GABRB1: variants seen among roughly 807,000 people sequenced by gnomAD.
GABRB1 encodes the protein gamma-aminobutyric acid receptor subunit beta-1.
GABRB1 carries 17 observed loss-of-function variants against 51.6 expected under a neutral mutation model. The ratio of observed to expected loss-of-function variants is 0.33; its 90% CI spans 0.23 to 0.49. GABRB1 has a LOEUF of 0.49. Ranked by LOEUF, GABRB1 falls within the 20% of genes least tolerant of loss-of-function variation. The pLI, the probability that GABRB1 is intolerant of heterozygous loss-of-function variation, is 0.99. For synonymous variants in GABRB1, 247 were observed against 218.9 expected, an observed-to-expected ratio of 1.13 and a Z score of -1.14; for missense variants, 410 against 600.6, an observed-to-expected ratio of 0.68 and a Z score of 3.32.
intron 3 of GABRB1, among the ~76,000 whole-genome samples, chr4:47,145,083 C>T (rs982259602): frequency 1.3e-5 from 2 of 151,824 alleles, no homozygotes; most frequent in African/African-American, 4.8e-5. Flanking sequence ...AAAATACAAC[C>T]TAAAAGATAT....
intron 4 of GABRB1, among the ~76,000 whole-genome samples, chr4:47,163,552 G>T (rs1307308731): frequency 1.3e-5 from 2 of 151,942 alleles, no homozygotes; most frequent in Admixed American, 6.6e-5. Flanking sequence ...GGGAGAAGGG[G>T]AGTGTGGCAA....
At chr4:47,264,278 C>G (rs1009624872) in intron 4 of GABRB1, among the ~76,000 whole-genome samples, 1 of 152,196 alleles carries the variant, frequency 6.6e-6, no homozygotes, top group Admixed American at 6.5e-5. Flanking sequence ...CAGCAACTAT[C>G]CTTCCCCCAC....
At chr4:47,360,150 T>C (rs1262042070) in intron 5 of GABRB1, among the ~76,000 whole-genome samples, 1 of 151,746 alleles carries the variant, frequency 6.6e-6, no homozygotes, top group Non-Finnish European at 1.5e-5. Context: ...AGACCCAGCA[T>C]AATCTCGAGA....
At chr4:47,100,512 T>G (rs1198991310) in intron 3 of GABRB1, among the ~76,000 whole-genome samples, 1 of 151,996 alleles carries the variant, frequency 6.6e-6, no homozygotes, top group Non-Finnish European at 1.5e-5. Context: ...TAAGTTGTGG[T>G]GCAATTTTAA....
At position 47,087,387 on chromosome 4, in the gene GABRB1, T is replaced by C. The variant is rs1319171664; in HGVS notation, c.240+54903T>C. Among the ~76,000 whole-genome samples, 5 of 152,302 alleles carry C rather than the reference T, an allele frequency of 3.3e-5. No homozygotes were observed. In the East Asian group the frequency reaches 7.7e-4, roughly 24 times the overall value. ...TTATTATTGATACAGTTTTCCATTA[T>C]ATAGGCAGGCTGGGAGACAGTCACA... On this transcript the variant is annotated intron_variant, in intron 3 of 8. Transcript: ENST00000295454.
rs1577938681 is a variant in GABRB1, at chr4:47,133,968, TAGAA to T, written c.241-27274_241-27271del. Among the ~76,000 whole-genome samples, 5 of 152,336 alleles carry T rather than the reference TAGAA, an allele frequency of 3.3e-5. No individual in the cohort carries two copies. In the East Asian group the frequency reaches 9.6e-4, roughly 29 times the overall value. ...ATCTGGTATTTTACATGTTAAGAAG[TAGAA>T]AGAAAGTTTGGGAAAATACTAATCT... On this transcript the variant is annotated intron_variant, in intron 3 of 8. Coordinates refer to ENST00000295454, the MANE Select transcript of GABRB1 (RefSeq NM_000812.4).
chr4:47,262,027 T>G (rs1156308454), intron 4 of GABRB1, among the ~76,000 whole-genome samples: 4 of 151,468 alleles, frequency 2.6e-5, no homozygotes, highest in South Asian at 2.1e-4. Context: ...CCTTACACCT[T>G]ATACAAAAAT....
At chr4:47,129,559 C>T (rs1716314580) in intron 3 of GABRB1, among the ~76,000 whole-genome samples, 1 of 152,166 alleles carries the variant, frequency 6.6e-6, no homozygotes, top group African/African-American at 2.4e-5. Context: ...CTTCAAAGCA[C>T]TTACAGTTGA....
intron 1 of GABRB1, among the ~76,000 whole-genome samples, chr4:47,007,000 C>T (rs1724421497): frequency 6.6e-6 from 1 of 152,022 alleles, no homozygotes; most frequent in African/African-American, 2.4e-5. Context: ...ATTAGCCAGG[C>T]ATGGTAGCAT....
At chr4:47,015,683 TAA>T (rs1257739235) in intron 1 of GABRB1, among the ~76,000 whole-genome samples, 1 of 152,204 alleles carries the variant, frequency 6.6e-6, no homozygotes, top group Non-Finnish European at 1.5e-5. Context: ...CCATAATTTG[TAA>T]AGATTATTAA....
intron 4 of GABRB1, among the ~76,000 whole-genome samples, chr4:47,209,627 C>T (rs1318780600): frequency 1.3e-5 from 2 of 152,068 alleles, no homozygotes; most frequent in African/African-American, 4.8e-5. Context: ...GTGGCAGAGA[C>T]CATGTGCCAT....
At chr4:47,146,352 C>T (rs916853594) in intron 3 of GABRB1, among the ~76,000 whole-genome samples, 2 of 151,776 alleles carry the variant, frequency 1.3e-5, no homozygotes, top group African/African-American at 2.4e-5. Flanking sequence ...CATGATAATG[C>T]GTCTTTGTAG....
intron 4 of GABRB1, among the ~76,000 whole-genome samples, chr4:47,227,643 G>A (rs1720993400): frequency 6.6e-6 from 1 of 152,060 alleles, no homozygotes. Context: ...CACCCATGTA[G>A]ACCAATGGTA....
intron 5 of GABRB1, among the ~76,000 whole-genome samples, chr4:47,351,487 C>A (rs919083270): frequency 6.6e-6 from 1 of 151,758 alleles, no homozygotes; most frequent in African/African-American, 2.4e-5. Flanking sequence ...TGTACATGTG[C>A]CATGCTAGTG....
intron 5 of GABRB1, among the ~76,000 whole-genome samples, chr4:47,363,401 G>A (rs571494352): frequency 3.1e-4 from 47 of 152,106 alleles, no homozygotes; most frequent in South Asian, 2.1e-4. Context: ...TCGGTTATGG[G>A]GGAGGAAAAG....
At chr4:47,380,830 G>A (rs1727568934) in intron 5 of GABRB1, among the ~76,000 whole-genome samples, 1 of 152,044 alleles carries the variant, frequency 6.6e-6, no homozygotes, top group African/African-American at 2.4e-5. Flanking sequence ...AGATAAAATG[G>A]GTAAGAATTT....
chr4:47,014,860 T>C (rs1436601123), intron 1 of GABRB1, among the ~76,000 whole-genome samples: 1 of 152,010 alleles, frequency 6.6e-6, no homozygotes, highest in Non-Finnish European at 1.5e-5. Flanking sequence ...AGACATAAGA[T>C]GAAGTTTGGG....
intron 3 of GABRB1, among the ~76,000 whole-genome samples, chr4:47,082,602 G>T (rs1727895014): frequency 6.6e-6 from 1 of 152,070 alleles, no homozygotes; most frequent in African/African-American, 2.4e-5. Flanking sequence ...GGTACAGCAG[G>T]AAGTGTAATG....
At chr4:47,363,137 G>A (rs1323102435) in intron 5 of GABRB1, among the ~76,000 whole-genome samples, 1 of 152,050 alleles carries the variant, frequency 6.6e-6, no homozygotes, top group Non-Finnish European at 1.5e-5. Context: ...TACATTTATT[G>A]AGAGATTACA....
Sources: gnomAD v4.1 joint callset for allele counts (sites outside exome capture counted in the v4.1 genomes callset) on GRCh38, gnomAD v4.1.1 for gene constraint, MANE v1.5 for transcripts, NCBI Gene and HGNC (gene_info 2026-07-23, HGNC 2026-07-21) for gene names.